The following ME3 variants were observed in gnomAD, a reference collection of about 807,000 sequenced individuals.
ME3 encodes malic enzyme 3, also known as NADP-dependent malic enzyme, mitochondrial.
In ME3, 48 loss-of-function variants were observed where a neutral mutation model predicts 68.9. That is an observed-to-expected ratio of 0.70 (90% CI 0.55 to 0.89). ME3 has a LOEUF of 0.89. Ranked by LOEUF, ME3 falls within the 40% of genes least tolerant of loss-of-function variation. The pLI is 0.00. For missense variants in ME3, 675 were observed against 797.4 expected, an observed-to-expected ratio of 0.85 and a Z score of 1.85; for synonymous variants, 320 against 318.8, an observed-to-expected ratio of 1.00 and a Z score of -0.04.
chr11:86,659,649 T>G (rs1946148116), intron 2 of ME3, among the ~76,000 whole-genome samples: 1 of 152,208 alleles, frequency 6.6e-6, no homozygotes, highest in Non-Finnish European at 1.5e-5. Flanking sequence ...ATCTTAAAAC[T>G]TCCTGCCCCG....
At chr11:86,526,612 A>G (rs774921363) in intron 4 of ME3, among the ~76,000 whole-genome samples, 10 of 152,226 alleles carry the variant, frequency 6.6e-5, no homozygotes, top group Non-Finnish European at 1.0e-4. Context: ...CTGGGAGGCA[A>G]CATCCAGTAG....
intron 4 of ME3, among the ~76,000 whole-genome samples, chr11:86,541,260 C>T (rs569789890): frequency 1.6e-4 from 24 of 151,980 alleles, no homozygotes; most frequent in Admixed American, 9.2e-4. Context: ...TTTTTCATAC[C>T]CCAGTGGTGC....
At chr11:86,603,476 T>C (rs1961070002) in intron 2 of ME3, among the ~76,000 whole-genome samples, 1 of 152,040 alleles carries the variant, frequency 6.6e-6, no homozygotes, top group Non-Finnish European at 1.5e-5. Flanking sequence ...TGTGGAGAAA[T>C]AGGAACACTT....
At chr11:86,597,833 T>C (rs1278690065) in intron 2 of ME3, among the ~76,000 whole-genome samples, 1 of 152,082 alleles carries the variant, frequency 6.6e-6, no homozygotes, top group Non-Finnish European at 1.5e-5. Flanking sequence ...ATCAATCAAA[T>C]ACATTTAAGA....
rs1360205874 is a variant in ME3, at chr11:86,598,006, C to G, written c.184-38183G>C. 5.3e-5 allele frequency among the ~76,000 whole-genome samples: 8 copies of G among 152,200 alleles called. No individual in the cohort carries two copies. The East Asian group carries it at 1.6e-3, about 30-fold the overall frequency. ...ATAGGAACAGTTCTGGTCTACAGCTCCCAGCATGAGCCATGCAGAAGATGG... is the reference window on the plus strand; with the variant it reads ...ATAGGAACAGTTCTGGTCTACAGCTGCCAGCATGAGCCATGCAGAAGATGG... On this transcript the variant is annotated intron_variant, in intron 2 of 14. Transcript: ENST00000543262.
intron 5 of ME3, among the ~76,000 whole-genome samples, chr11:86,508,119 C>A (rs555039541): frequency 6.6e-6 from 1 of 152,130 alleles, no homozygotes; most frequent in South Asian, 2.1e-4. Context: ...TACATTTATG[C>A]CCCTCATCCC....
chr11:86,549,283 G>A (rs375814450), intron 4 of ME3, among the ~76,000 whole-genome samples: 4 of 152,180 alleles, frequency 2.6e-5, no homozygotes, highest in African/African-American at 7.2e-5. Context: ...CATGAACTGA[G>A]GCAGCTCTAG....
chr11:86,552,101 CAG>C (rs1956719010), intron 4 of ME3, among the ~76,000 whole-genome samples: 1 of 152,212 alleles, frequency 6.6e-6, no homozygotes, highest in Non-Finnish European at 1.5e-5. Context: ...CTGGGTCAAA[CAG>C]ATCACAGCTG....
At chr11:86,582,912 A>G (rs1338613301) in intron 2 of ME3, among the ~76,000 whole-genome samples, 1 of 151,866 alleles carries the variant, frequency 6.6e-6, no homozygotes, top group East Asian at 1.9e-4. Flanking sequence ...TGGTAAGGAA[A>G]AAAAAAAAAA....
intron 2 of ME3, among the ~76,000 whole-genome samples, chr11:86,628,852 CTA>C (rs1943827704): frequency 6.6e-6 from 1 of 152,086 alleles, no homozygotes; most frequent in East Asian, 1.9e-4. Context: ...ACAGAAAAGT[CTA>C]TGAGGAAGGA....
chr11:86,568,867 T>A (rs150811217), intron 2 of ME3, among the ~76,000 whole-genome samples: 41 of 152,352 alleles, frequency 2.7e-4, no homozygotes, highest in Middle Eastern at 6.8e-3. Flanking sequence ...TGTTAGGCAC[T>A]GGGGATTGTT....
rs2032356 is a variant in ME3, at chr11:86,614,375, G to A, written c.184-54552C>T. On this transcript the variant is annotated intron_variant, in intron 2 of 14. Transcript: ENST00000543262. ...TAAACTCATTTCAGCCAGTTAAAACGTCCACTCTTGAATTGATCTGATTTG... is the reference window on the plus strand; with the variant it reads ...TAAACTCATTTCAGCCAGTTAAAACATCCACTCTTGAATTGATCTGATTTG... Among the ~76,000 whole-genome samples the A allele has an allele frequency of 5.3e-3, 809 of 152,126 alleles. 3 individuals are homozygous for A. Among genetic ancestry groups the A allele is most frequent in the African/African-American group, 0.018 (754 of 41,494 alleles).
At chr11:86,608,587 G>A (rs1450976495) in intron 2 of ME3, among the ~76,000 whole-genome samples, 1 of 152,146 alleles carries the variant, frequency 6.6e-6, no homozygotes, top group Non-Finnish European at 1.5e-5. Flanking sequence ...TGCAGCTGCT[G>A]GCAGAACTTG....
At chr11:86,537,149 T>TG (rs1391764007) in intron 4 of ME3, among the ~76,000 whole-genome samples, 1 of 97,432 alleles carries the variant, frequency 1.0e-5, no homozygotes, top group Admixed American at 1.2e-4. Flanking sequence ...GGTGGGGGGA[T>TG]GGGGGAGGGA....
At chr11:86,593,202 C>A (rs1216142518) in intron 2 of ME3, among the ~76,000 whole-genome samples, 4 of 116,884 alleles carry the variant, frequency 3.4e-5, no homozygotes, top group African/African-American at 9.7e-5. Context: ...CCCTCCTTCA[C>A]TCACATAGTA....
intron 10 of ME3, among the ~76,000 whole-genome samples, chr11:86,449,091 A>G (rs1355359979): frequency 6.6e-6 from 1 of 152,206 alleles, no homozygotes; most frequent in African/African-American, 2.4e-5. Flanking sequence ...GAACAATAGG[A>G]AGCTCAGTTC....
intron 4 of ME3, among the ~76,000 whole-genome samples, chr11:86,514,341 A>C (rs1194325184): frequency 1.3e-5 from 2 of 152,202 alleles, no homozygotes; most frequent in Non-Finnish European, 2.9e-5. Context: ...ATCACCTGAG[A>C]AATGCAGACA....
chr11:86,571,434 AG>A (rs1463493101), intron 2 of ME3, among the ~76,000 whole-genome samples: 29 of 152,368 alleles, frequency 1.9e-4, no homozygotes, highest in African/African-American at 6.3e-4. Flanking sequence ...CAGCAACATT[AG>A]TCTGCTCAGT....
At chr11:86,544,585 C>T (rs1319866628) in intron 4 of ME3, among the ~76,000 whole-genome samples, 1 of 152,106 alleles carries the variant, frequency 6.6e-6, no homozygotes, top group Admixed American at 6.6e-5. Context: ...AACACATACA[C>T]CCTCCTCCCA....
Sources: allele counts gnomAD v4.1 joint callset (sites outside exome capture counted in the v4.1 genomes callset), GRCh38; gene constraint gnomAD v4.1.1; transcripts MANE v1.5; gene names NCBI Gene and HGNC (gene_info 2026-07-23, HGNC 2026-07-21).